The following SLC25A48 variants were observed in gnomAD, a reference collection of about 807,000 sequenced individuals.
The protein encoded by SLC25A48 is CTC-321K16.1.
In SLC25A48, 29 loss-of-function variants were observed where a neutral mutation model predicts 32.2. That is an observed-to-expected ratio of 0.90 (90% CI 0.67 to 1.23). The LOEUF is 1.23. Among genes scored for constraint, SLC25A48 ranks in the 50% most tolerant of loss-of-function variants. The pLI, the probability that SLC25A48 is intolerant of heterozygous loss-of-function variation, is 0.00. For missense variants in SLC25A48, 399 were observed against 422.7 expected (o/e 0.94, Z 0.49); for synonymous variants, 164 against 172.3 (o/e 0.95, Z 0.38).
At chr5:135,745,682 T>C (rs1755621307) in intron 3 of SLC25A48, among the ~76,000 whole-genome samples, 1 of 152,220 alleles carries the variant, frequency 6.6e-6, no homozygotes, top group African/African-American at 2.4e-5. Flanking sequence ...GGTGGTTTAG[T>C]TGCTAGCTCA....
At chr5:135,588,931 A>C (rs1166692767) in intron 1 of SLC25A48, among the ~76,000 whole-genome samples, 1 of 152,202 alleles carries the variant, frequency 6.6e-6, no homozygotes, top group African/African-American at 2.4e-5. Flanking sequence ...CACAAACAAA[A>C]AAACAAACAA....
intron 3 of SLC25A48, among the ~76,000 whole-genome samples, chr5:135,699,559 G>A (rs78010731): frequency 0.046 from 6,935 of 152,264 alleles, 532 homozygotes; most frequent in African/African-American, 0.16. Context: ...AAGGGCACGA[G>A]GGAACTTCCA....
intron 3 of SLC25A48, among the ~76,000 whole-genome samples, chr5:135,710,764 T>C (rs1754634644): frequency 6.6e-6 from 1 of 152,254 alleles, no homozygotes; most frequent in South Asian, 2.1e-4. Context: ...ATGGCTTCTC[T>C]GAAGCCTTTT....
At chr5:135,692,466 A>G (rs1754170272) in intron 3 of SLC25A48, among the ~76,000 whole-genome samples, 1 of 152,226 alleles carries the variant, frequency 6.6e-6, no homozygotes, top group Non-Finnish European at 1.5e-5. Context: ...TTTTCTGATT[A>G]AACATATTTT....
chr5:135,686,534 A>C (rs1434647209), intron 3 of SLC25A48, among the ~76,000 whole-genome samples: 1 of 152,156 alleles, frequency 6.6e-6, no homozygotes, highest in Non-Finnish European at 1.5e-5. Context: ...CTTCCATGCT[A>C]CACCCTGGCA....
At position 135,795,691 on chromosome 5, in the gene SLC25A48, T is replaced by C. The variant is rs77345920; in HGVS notation, c.-520-16832T>C. On this transcript the variant is annotated intron_variant, in intron 3 of 10. Coordinates refer to the SLC25A48 transcript ENST00000646290. ...TCAGGGGGGTAGAGGGTGATATTAC[T>C]CCCCATAACGCGGGAAGTCTACACT... Among the ~76,000 whole-genome samples, 6 of 151,610 alleles carry C rather than the reference T, an allele frequency of 4.0e-5. No individual in the cohort carries two copies. In the East Asian group the frequency reaches 1.2e-3, roughly 30 times the overall value.
intron 4 of SLC25A48, among the ~76,000 whole-genome samples, chr5:135,820,372 G>T (rs1215703140): frequency 6.6e-6 from 1 of 152,178 alleles, no homozygotes; most frequent in Non-Finnish European, 1.5e-5. Context: ...GTATCAAAAA[G>T]CACATCAGTG....
chr5:135,701,550 T>C (rs921597712), intron 3 of SLC25A48, among the ~76,000 whole-genome samples: 1 of 152,182 alleles, frequency 6.6e-6, no homozygotes, highest in Non-Finnish European at 1.5e-5. Flanking sequence ...CATTTTCTCA[T>C]TCATTCCCAA....
Position 135,834,747 on chromosome 5 carries a change from C to A in SLC25A48, c.-101C>A. On this transcript the variant is annotated 5_prime_UTR_variant, in exon 1 of 8. Transcript: ENST00000681962. ...TAGGACCTGCGGCGTGCTCGAGACT[C>A]CGACTTCGGTCTTGCGGCGCGCTCG... The A allele has an allele frequency of 7.6e-7, 1 of 1,312,380 alleles. No homozygotes were observed. The highest frequency in any genetic ancestry group is 2.6e-5 in the Admixed American group (1 of 37,842). 81.3% of individuals were successfully genotyped at this position (1,312,380 alleles called of 1,614,324 possible).
chr5:135,658,938 A>C (rs1427143863), intron 3 of SLC25A48, among the ~76,000 whole-genome samples: 1 of 152,138 alleles, frequency 6.6e-6, no homozygotes, highest in Non-Finnish European at 1.5e-5. Flanking sequence ...GGCCCACAAA[A>C]CCATTTTTTC....
At chr5:135,602,618 T>C (rs1426649765) in intron 1 of SLC25A48, among the ~76,000 whole-genome samples, 5 of 151,982 alleles carry the variant, frequency 3.3e-5, no homozygotes, top group African/African-American at 7.2e-5. Context: ...TTCTTTCTTT[T>C]TTTTTTTTAT....
intron 3 of SLC25A48, among the ~76,000 whole-genome samples, chr5:135,851,748 G>T (rs759200772): frequency 1.3e-5 from 2 of 152,128 alleles, no homozygotes; most frequent in Non-Finnish European, 2.9e-5. Context: ...GATTTGGCAC[G>T]CGTGTGCTGC....
chr5:135,658,009 C>T (rs775146662), intron 3 of SLC25A48, among the ~76,000 whole-genome samples: 1 of 152,190 alleles, frequency 6.6e-6, no homozygotes, highest in African/African-American at 2.4e-5. Flanking sequence ...CAGAGCCAAA[C>T]CATATCATTG....
At chr5:135,761,837 GC>G (rs995097411) in intron 3 of SLC25A48, among the ~76,000 whole-genome samples, 2 of 152,122 alleles carry the variant, frequency 1.3e-5, no homozygotes, top group South Asian at 2.1e-4. Context: ...CAGATCCTGC[GC>G]CCCCCACTTG....
chr5:135,804,008 A>G (rs1757399033), intron 3 of SLC25A48, among the ~76,000 whole-genome samples: 2 of 151,450 alleles, frequency 1.3e-5, no homozygotes, highest in Non-Finnish European at 1.5e-5. Flanking sequence ...ATGTCTACAC[A>G]TGCTGTACAT....
intron 3 of SLC25A48, among the ~76,000 whole-genome samples, chr5:135,680,908 A>AAGTT (rs1242396763): frequency 1.3e-5 from 2 of 152,024 alleles, no homozygotes; most frequent in Non-Finnish European, 2.9e-5. Flanking sequence ...AGGCCATTTG[A>AAGTT]AGTTGTCTCA....
intron 3 of SLC25A48, among the ~76,000 whole-genome samples, chr5:135,691,804 T>C (rs1195570849): frequency 6.6e-6 from 1 of 151,976 alleles, no homozygotes; most frequent in Non-Finnish European, 1.5e-5. Context: ...AAGGCTTAAG[T>C]GAGATTAGGT....
chr5:135,872,642 A>C (rs1236499223), intron 5 of SLC25A48: 1 of 152,280 alleles, frequency 6.6e-6, no homozygotes, highest in Non-Finnish European at 1.5e-5. Context: ...GTAATGAGGA[A>C]CAGAGAAACA....
At chr5:135,885,182 A>G (rs1337698819) in intron 7 of SLC25A48, among the ~76,000 whole-genome samples, 2 of 152,066 alleles carry the variant, frequency 1.3e-5, no homozygotes, top group East Asian at 1.9e-4. Flanking sequence ...CCTCCCATCA[A>G]CCACATCAGA....
Sources: gnomAD v4.1 joint callset for allele counts (sites outside exome capture counted in the v4.1 genomes callset) on GRCh38, gnomAD v4.1.1 for gene constraint, MANE v1.5 for transcripts, NCBI Gene and HGNC (gene_info 2026-07-23, HGNC 2026-07-21) for gene names.